ZNF678: variants seen among roughly 807,000 people sequenced by gnomAD.
ZNF678 encodes the protein zinc finger protein 678, also known as hypothetical protein MGC42493.
Under a neutral mutation model 3.0 loss-of-function variants are expected in ZNF678, and 5 were observed. The ratio of observed to expected loss-of-function variants is 1.69; its 90% CI spans 0.88 to 3.56. The LOEUF (loss-of-function observed/expected upper bound fraction) is 3.56. ZNF678 is among the 30% of genes most tolerant of loss of function. The pLI, the probability that ZNF678 is intolerant of heterozygous loss-of-function variation, is 0.00. For synonymous variants in ZNF678, 218 were observed against 199.6 expected (o/e 1.09, Z -0.78); for missense variants, 593 against 605.0 (o/e 0.98, Z 0.21).
intron 1 of ZNF678, among the ~76,000 whole-genome samples, chr1:227,644,440 T>C (rs936877729): frequency 2.0e-5 from 3 of 152,214 alleles, no homozygotes; most frequent in African/African-American, 7.2e-5. Flanking sequence ...CTTTAAACTT[T>C]AAAGGGCTAG....
At chr1:227,573,597 A>C (rs749978857) in intron 1 of ZNF678, among the ~76,000 whole-genome samples, 5 of 152,226 alleles carry the variant, frequency 3.3e-5, no homozygotes, top group Non-Finnish European at 5.9e-5. Flanking sequence ...CAGTTTTAGT[A>C]AATGTCTATT....
Position 227,638,357 on chromosome 1 carries a change from T to A in ZNF678, c.-163-8187T>A, listed in dbSNP as rs1196197515. 6.6e-6 allele frequency among the ~76,000 whole-genome samples: 1 copy of A among 152,196 alleles called. No homozygotes were observed. Among genetic ancestry groups the A allele is most frequent in the Non-Finnish European group, 1.5e-5 (1 of 68,038 alleles). ...TGAGGTCCTGAACTAAGCGATAAGT[T>A]CCTGGCTTTTTAACAGATAGAACTG... On this transcript the variant is annotated intron_variant, in intron 1 of 3. Transcript: ENST00000343776. This position sits in a 1 kb window ranked among gnomAD's most constrained non-coding sequence, Gnocchi z 4.2.
intron 2 of ZNF678, 39 bp downstream of exon 2, chr1:227,646,709 C>T (rs762468504): frequency 7.4e-7 from 1 of 1,348,774 alleles, no homozygotes; most frequent in Non-Finnish European, 9.8e-7. Flanking sequence ...GTATTTCATA[C>T]TACGGATTCC....
chr1:227,616,402 C>T (rs904604282), intron 1 of ZNF678, among the ~76,000 whole-genome samples: 39 of 152,318 alleles, frequency 2.6e-4, no homozygotes, highest in African/African-American at 8.2e-4. Flanking sequence ...GATACTGTCC[C>T]AGTGCTGTTT....
chr1:227,632,485 G>A (rs557060597), intron 1 of ZNF678, among the ~76,000 whole-genome samples: 4 of 152,210 alleles, frequency 2.6e-5, no homozygotes, highest in South Asian at 4.2e-4. Context: ...GATCTCGACC[G>A]GCCAATGCTG....
At chr1:227,673,752 T>TA (rs893459627) in intron 5 of ZNF678, among the ~76,000 whole-genome samples, 28 of 152,240 alleles carry the variant, frequency 1.8e-4, no homozygotes, top group African/African-American at 6.5e-4. Context: ...TCAGATATAC[T>TA]GCCTATTTGG....
rs116401966 is a variant in ZNF678 at position 227,641,645 on chromosome 1, G to A, written c.-163-4899G>A. Among the ~76,000 whole-genome samples the A allele has an allele frequency of 8.1e-3, 1,229 of 151,768 alleles. 13 individuals are homozygous for A. Among genetic ancestry groups the A allele is most frequent in the African/African-American group, 0.028 (1,150 of 41,424 alleles). ...ACTGTAAAGGGGCCTTTCTTTTTTG[G>A]GGCGTCCAGTCACATCTCACAATTG... On this transcript the variant is annotated intron_variant, in intron 1 of 3. Coordinates refer to ENST00000343776, the MANE Select transcript of ZNF678 (RefSeq NM_001367909.1).
intron 1 of ZNF678, among the ~76,000 whole-genome samples, chr1:227,584,523 A>T (rs568557297): frequency 2.6e-4 from 40 of 152,372 alleles, no homozygotes; most frequent in African/African-American, 9.4e-4. Context: ...TGTGTGAGGA[A>T]CACTATTTAC....
intron 1 of ZNF678, among the ~76,000 whole-genome samples, chr1:227,645,797 T>G (rs1041190278): frequency 6.6e-6 from 1 of 152,212 alleles, no homozygotes; most frequent in African/African-American, 2.4e-5. Flanking sequence ...GTGATACCAG[T>G]TTTTTTCTGT....
chr1:227,637,454 C>T (rs1240304291), intron 1 of ZNF678, among the ~76,000 whole-genome samples: 1 of 152,214 alleles, frequency 6.6e-6, no homozygotes, highest in Non-Finnish European at 1.5e-5. Flanking sequence ...GCTGCCAATG[C>T]TCAGAGGCAG....
intron 1 of ZNF678, among the ~76,000 whole-genome samples, chr1:227,601,230 A>T (rs1352329834): frequency 6.6e-6 from 1 of 152,084 alleles, no homozygotes; most frequent in Non-Finnish European, 1.5e-5. Context: ...TTGGATTTTC[A>T]TGGCTATTCA....
chr1:227,575,396 T>C (rs907043314), intron 1 of ZNF678, among the ~76,000 whole-genome samples: 7 of 152,172 alleles, frequency 4.6e-5, no homozygotes, highest in African/African-American at 1.4e-4. Context: ...GTTTTTCCGT[T>C]TGTTTGTGTT....
intron 1 of ZNF678, among the ~76,000 whole-genome samples, chr1:227,606,093 GAC>G (rs1657860997): frequency 6.6e-6 from 1 of 152,172 alleles, no homozygotes; most frequent in Non-Finnish European, 1.5e-5. Context: ...AAAGAAATAA[GAC>G]ACAGAGACAA....
rs987535308 is a variant in ZNF678 at position 227,655,450 on chromosome 1, T to G, written c.1200T>G (p.Thr400=). 7.4e-6 allele frequency: 12 copies of G among 1,612,548 alleles called. No individual in the cohort carries two copies. The East Asian group carries it at 1.1e-4, about 15-fold the overall frequency. ...TTACTCAACATAGGAGAATTCATAC[T>G]GGAGTGAAACCCTACAAATGTGAAG... ...SSLTQHRRIH[T]GVKPYKCEEC... Residue 400 remains threonine, a synonymous_variant, in exon 4 of 4, where the codon ACT becomes ACG. Coordinates refer to ENST00000343776, the MANE Select transcript of ZNF678 (RefSeq NM_001367909.1).
intron 1 of ZNF678, among the ~76,000 whole-genome samples, chr1:227,631,228 C>T (rs904857068): frequency 6.6e-6 from 1 of 152,170 alleles, no homozygotes; most frequent in African/African-American, 2.4e-5. Flanking sequence ...GGTCTTAATG[C>T]TTATTCATTT....
At chr1:227,588,196 TGTGCA>T (rs1657313457) in intron 1 of ZNF678, among the ~76,000 whole-genome samples, 2 of 152,228 alleles carry the variant, frequency 1.3e-5, no homozygotes, top group African/African-American at 4.8e-5. Context: ...TATTCCATGG[TGTGCA>T]TGTACTATAT....
chr1:227,624,471 C>G (rs1658357309), intron 1 of ZNF678, among the ~76,000 whole-genome samples: 1 of 152,202 alleles, frequency 6.6e-6, no homozygotes, highest in African/African-American at 2.4e-5. Context: ...CCTTCCTCAT[C>G]CCCACTGAAG....
At chr1:227,604,666 C>T (rs1350491532) in intron 1 of ZNF678, among the ~76,000 whole-genome samples, 3 of 151,990 alleles carry the variant, frequency 2.0e-5, no homozygotes, top group African/African-American at 4.8e-5. Context: ...TGGGCTTACA[C>T]GCATGAATCA....
chr1:227,583,355 T>TC (rs1657180707), intron 1 of ZNF678, among the ~76,000 whole-genome samples: 1 of 147,126 alleles, frequency 6.8e-6, no homozygotes, highest in African/African-American at 2.5e-5. Flanking sequence ...CTTTTTTCTT[T>TC]TTTTTTTTTT....
Sources: gnomAD v4.1 joint callset for allele counts (sites outside exome capture counted in the v4.1 genomes callset) on GRCh38, gnomAD v4.1.1 for gene constraint, Gnocchi (gnomAD v3.1) non-coding constraint, MANE v1.5 for transcripts, NCBI Gene and HGNC (gene_info 2026-07-23, HGNC 2026-07-21) for gene names.